The following SPAG17 variants were observed in gnomAD, a reference collection of about 807,000 sequenced individuals.
SPAG17 encodes the protein sperm associated antigen 17, also known as sperm-associated antigen 17.
SPAG17 carries 169 observed loss-of-function variants against 273.6 expected under a neutral mutation model. The ratio of observed to expected loss-of-function variants is 0.62; its 90% CI spans 0.55 to 0.70. The LOEUF (loss-of-function observed/expected upper bound fraction) is 0.70, where lower values mean the gene tolerates loss of function less well. Among genes scored for constraint, SPAG17 ranks in the 30% least tolerant of loss-of-function variants. The pLI is 0.00. For synonymous variants in SPAG17, 825 were observed against 873.2 expected, an observed-to-expected ratio of 0.94 and a Z score of 0.97; for missense variants, 2,557 against 2,627.8, an observed-to-expected ratio of 0.97 and a Z score of 0.59.
At chr1:117,955,334 A>G in intron 48 of SPAG17, 1 of 1,612,578 alleles carries the variant, frequency 6.2e-7, no homozygotes, top group East Asian at 2.2e-5. Flanking sequence ...TATGTATTAG[A>G]GATTTTTAAA....
rs775725533 is a variant in SPAG17, at chr1:118,081,305, C to T, written c.2005G>A (p.Asp669Asn). The T allele has an allele frequency of 6.2e-7, 1 of 1,613,932 alleles. No homozygotes were observed. The highest frequency in any genetic ancestry group is 1.7e-5 in the Admixed American group (1 of 60,004). The change falls in exon 15 of 49, where the codon GAC (aspartate) becomes AAC (asparagine). Residue 669 changes from aspartate (D) to asparagine (N), a missense_variant. Coordinates refer to ENST00000336338, the MANE Select transcript of SPAG17 (RefSeq NM_206996.4). The stretch of plus-strand genomic sequence containing the variant: ...TTCTGATCCACAAATAGTGTTCTGT[C>T]TTTGATTTTAATATCTATTCAGTGT... ...AKQKADIKIK[D>N]RTLFVDQNLS...
chr1:117,980,335 G>A (rs1337482306), intron 43 of SPAG17, among the ~76,000 whole-genome samples: 2 of 152,010 alleles, frequency 1.3e-5, no homozygotes, highest in South Asian at 2.1e-4. Context: ...AGGTTCAAGC[G>A]ATTCTCCTGC....
chr1:118,184,495 C>T (rs1004564073), intron 1 of SPAG17, among the ~76,000 whole-genome samples: 1 of 152,060 alleles, frequency 6.6e-6, no homozygotes, highest in African/African-American at 2.4e-5. Context: ...GGCCGCCAAC[C>T]CCTCATTGCT....
intron 32 of SPAG17, among the ~76,000 whole-genome samples, chr1:117,999,177 G>A (rs766135722): frequency 1.3e-5 from 2 of 152,124 alleles, no homozygotes; most frequent in Non-Finnish European, 2.9e-5. Flanking sequence ...TTTTATGTCT[G>A]CATAGTATTC....
At chr1:118,109,022 G>A (rs190924356) in intron 4 of SPAG17, among the ~76,000 whole-genome samples, 14 of 152,212 alleles carry the variant, frequency 9.2e-5, no homozygotes, top group African/African-American at 2.9e-4. Flanking sequence ...ATTTCTAAAT[G>A]ACTTCTTGAT....
In SPAG17 at chr1:118,161,606, C is replaced by T. The variant is rs373386771; in HGVS notation, c.88-10237G>A. ...AGGCTGGAGTGCTGTGGCAGGATCT[C>T]GGCACACTGCAAGCTCCGCCTCCCG... is the stretch of plus-strand genomic sequence containing the variant. On this transcript the variant is annotated intron_variant, in intron 1 of 48. Transcript: ENST00000336338. 2.7e-4 allele frequency among the ~76,000 whole-genome samples: 41 copies of T among 152,070 alleles called. No homozygotes were observed. The East Asian group carries it at 6.6e-3, about 24-fold the overall frequency.
chr1:117,969,073 CA>C (rs1654244000), intron 46 of SPAG17, among the ~76,000 whole-genome samples: 1 of 152,154 alleles, frequency 6.6e-6, no homozygotes, highest in Non-Finnish European at 1.5e-5. Context: ...CTGATAAAGA[CA>C]AATGTGACTT....
intron 10 of SPAG17, among the ~76,000 whole-genome samples, chr1:118,087,725 G>A (rs1363823605): frequency 6.6e-6 from 1 of 152,108 alleles, no homozygotes; most frequent in African/African-American, 2.4e-5. Context: ...ATCAAGTTAG[G>A]CACCTAATTT....
At chr1:118,050,078 C>T (rs12081064) in intron 20 of SPAG17, among the ~76,000 whole-genome samples, 2,519 of 152,138 alleles carry the variant, frequency 0.017, 71 homozygotes, top group African/African-American at 0.058. Flanking sequence ...AAGGGAAGAA[C>T]GCCTCAAGTA....
chr1:118,100,947 C>T (rs548500575), intron 5 of SPAG17, among the ~76,000 whole-genome samples: 4 of 152,192 alleles, frequency 2.6e-5, no homozygotes, highest in African/African-American at 9.6e-5. Context: ...ATTTTATTAC[C>T]ACTGTGTTTC....
chr1:118,147,420 T>G (rs571622002), intron 3 of SPAG17, among the ~76,000 whole-genome samples: 1 of 152,292 alleles, frequency 6.6e-6, no homozygotes, highest in South Asian at 2.1e-4. Flanking sequence ...CATTATTAAA[T>G]AATAATGAGA....
At chr1:118,031,638 A>G in intron 25 of SPAG17, 54 bp downstream of exon 25, 5 of 1,575,412 alleles carry the variant, frequency 3.2e-6, no homozygotes, top group Non-Finnish European at 4.3e-6. Context: ...GTTTTAAAAA[A>G]GTTAACACTG....
intron 29 of SPAG17, 49 bp downstream of exon 29, chr1:118,015,916 G>C (rs1659915345): frequency 6.5e-7 from 1 of 1,540,798 alleles, no homozygotes. Flanking sequence ...TGTTGTTTCA[G>C]AATACTAATG....
At chr1:117,991,749 T>C (rs181116794) in intron 36 of SPAG17, among the ~76,000 whole-genome samples, 1 of 152,314 alleles carries the variant, frequency 6.6e-6, no homozygotes, top group African/African-American at 2.4e-5. Context: ...GGCCACAGGA[T>C]AGAACTGCAT....
At chr1:118,004,569 G>A (rs899956652) in intron 32 of SPAG17, among the ~76,000 whole-genome samples, 35 of 152,344 alleles carry the variant, frequency 2.3e-4, no homozygotes, top group Non-Finnish European at 4.4e-4. Flanking sequence ...TTGATCTCAG[G>A]CTGCTGTTTA....
chr1:118,082,966 C>T (rs1412547720), intron 13 of SPAG17, among the ~76,000 whole-genome samples: 1 of 152,054 alleles, frequency 6.6e-6, no homozygotes, highest in Non-Finnish European at 1.5e-5. Flanking sequence ...TAGGTGATGG[C>T]TCAAAAAGTA....
chr1:117,993,958 T>C (rs1469665814), intron 35 of SPAG17, among the ~76,000 whole-genome samples: 5 of 152,184 alleles, frequency 3.3e-5, no homozygotes, highest in Admixed American at 6.6e-5. Flanking sequence ...AAATCCTTCA[T>C]ATTGTTCTTA....
At chr1:117,956,417 C>T (rs1360109940) in intron 48 of SPAG17, among the ~76,000 whole-genome samples, 3 of 152,086 alleles carry the variant, frequency 2.0e-5, no homozygotes, top group Non-Finnish European at 2.9e-5. Context: ...ATATTCCTTA[C>T]AAGAAACAAC....
intron 1 of SPAG17, among the ~76,000 whole-genome samples, chr1:118,184,389 G>A (rs1468042502): frequency 6.6e-6 from 1 of 152,078 alleles, no homozygotes; most frequent in Non-Finnish European, 1.5e-5. Flanking sequence ...AGCTGGGTGG[G>A]GAGCCAGTGA....
Sources: gnomAD v4.1 joint callset for allele counts (sites outside exome capture counted in the v4.1 genomes callset) on GRCh38, gnomAD v4.1.1 for gene constraint, MANE v1.5 for transcripts, NCBI Gene and HGNC (gene_info 2026-07-23, HGNC 2026-07-21) for gene names.